Variants in JMJD1C observed in about 807,000 individuals in gnomAD.
JMJD1C encodes the protein jumonji domain containing 1C, also known as jumonji domain-containing protein 1C.
Under a neutral mutation model 245.3 loss-of-function variants are expected in JMJD1C, and 31 were observed. That is an observed-to-expected ratio of 0.13 (90% confidence interval 0.09 to 0.17). The LOEUF is 0.17. Among genes scored for constraint, JMJD1C ranks in the 10% least tolerant of loss-of-function variants. JMJD1C has a pLI of 1.00. For missense variants in JMJD1C, 2,691 were observed against 3,000.2 expected (o/e 0.90, Z 2.41); for synonymous variants, 1,057 against 1,017.4 (o/e 1.04, Z -0.74).
intron 2 of JMJD1C, among the ~76,000 whole-genome samples, chr10:63,298,771 C>T (rs555100698): frequency 5.3e-5 from 8 of 152,038 alleles, no homozygotes; most frequent in Admixed American, 1.3e-4. Context: ...TTGCTCTTGC[C>T]GCCCAGGCTG....
At chr10:63,488,626 T>C (rs1295056568) in intron 1 of JMJD1C, among the ~76,000 whole-genome samples, 1 of 152,038 alleles carries the variant, frequency 6.6e-6, no homozygotes, top group Non-Finnish European at 1.5e-5. Flanking sequence ...ATTATATCCA[T>C]TTAATTAAAA....
intron 1 of JMJD1C, among the ~76,000 whole-genome samples, chr10:63,399,913 G>C (rs1316572265): frequency 1.3e-5 from 2 of 150,822 alleles, no homozygotes; most frequent in South Asian, 4.2e-4. Flanking sequence ...TAATAAATTA[G>C]TTTTGGGTTA....
intron 2 of JMJD1C, among the ~76,000 whole-genome samples, chr10:63,318,910 C>T (rs552716922): frequency 1.2e-4 from 18 of 152,004 alleles, no homozygotes; most frequent in Admixed American, 1.2e-3. Context: ...CTTCTGGTAT[C>T]TGTATTCTTG....
At position 63,202,483 on chromosome 10, in the gene JMJD1C, C is replaced by T. The variant is rs576691187; in HGVS notation, c.5075-1806G>A. On this transcript the variant is annotated intron_variant, in intron 10 of 25. Transcript: ENST00000399262. ...AGGTACAGCTATTCTCCTGAGACTA[C>T]GTACTTCTTGCAGAAACTTACAAAG... 6.2e-5 allele frequency: 61 copies of T among 985,366 alleles called. No individual in the cohort carries two copies. The African/African-American group carries it at 9.6e-4, about 15-fold the overall frequency. 61.0% of individuals were successfully genotyped at this position (985,366 alleles called of 1,614,324 possible). A position where few individuals can be genotyped will look rare whatever the true frequency, so the allele number is the denominator to read the frequency against.
chr10:63,377,068 C>T (rs1441770606), intron 2 of JMJD1C, among the ~76,000 whole-genome samples: 1 of 152,160 alleles, frequency 6.6e-6, no homozygotes, highest in Non-Finnish European at 1.5e-5. Context: ...GGTGTATAAA[C>T]ACAATGGAAT....
chr10:63,168,304 T>A (rs1382650118), intron 25 of JMJD1C, 131 bp downstream of exon 25: 1 of 1,009,278 alleles, frequency 9.9e-7, no homozygotes, highest in Admixed American at 2.3e-5. Context: ...ATTAAATACA[T>A]GTTGGTGTTA....
chr10:63,176,273 T>G, intron 24 of JMJD1C, 24 bp downstream of exon 24: 1 of 1,528,080 alleles, frequency 6.5e-7, no homozygotes, highest in Non-Finnish European at 8.9e-7. Context: ...GTAAAAAATA[T>G]GTTAGAAATA....
At chr10:63,255,815 T>C (rs1853827378) in intron 3 of JMJD1C, among the ~76,000 whole-genome samples, 1 of 152,154 alleles carries the variant, frequency 6.6e-6, no homozygotes, top group Non-Finnish European at 1.5e-5. Flanking sequence ...TTGGGAATGA[T>C]CAAATTCCCA....
At chr10:63,507,234 G>A (rs1041351977) in intron 1 of JMJD1C, among the ~76,000 whole-genome samples, 5 of 152,218 alleles carry the variant, frequency 3.3e-5, no homozygotes, top group Non-Finnish European at 5.9e-5. Flanking sequence ...TTTGCGTGCA[G>A]GTTTTTGCGT....
intron 2 of JMJD1C, among the ~76,000 whole-genome samples, chr10:63,272,962 T>C (rs1370171496): frequency 6.6e-6 from 1 of 152,230 alleles, no homozygotes; most frequent in East Asian, 1.9e-4. Flanking sequence ...TCAAAAGTCA[T>C]ACATTCTTAG....
intron 2 of JMJD1C, 194 bp downstream of exon 2, chr10:63,380,122 TTG>T: frequency 1.7e-4 from 74 of 436,144 alleles, no homozygotes; most frequent in South Asian, 4.0e-4. Flanking sequence ...TTTTTTTTTT[TTG>T]GTAGAGATGG....
chr10:63,256,313 T>C (rs1160466600), intron 3 of JMJD1C, among the ~76,000 whole-genome samples: 4 of 152,176 alleles, frequency 2.6e-5, no homozygotes, highest in Non-Finnish European at 5.9e-5. Flanking sequence ...GCAACAGATA[T>C]GTACTGGGGT....
intron 2 of JMJD1C, among the ~76,000 whole-genome samples, chr10:63,295,407 G>C (rs1859263358): frequency 6.6e-6 from 1 of 151,982 alleles, no homozygotes; most frequent in Non-Finnish European, 1.5e-5. Flanking sequence ...CCTGCATTTA[G>C]AATTCTGAGG....
chr10:63,349,265 T>C (rs1169766669), intron 2 of JMJD1C, among the ~76,000 whole-genome samples: 1 of 152,144 alleles, frequency 6.6e-6, no homozygotes, highest in African/African-American at 2.4e-5. Context: ...AAAAAACTTC[T>C]TTTCTTTATA....
At chr10:63,396,777 T>A (rs1948516988) in intron 1 of JMJD1C, among the ~76,000 whole-genome samples, 1 of 151,878 alleles carries the variant, frequency 6.6e-6, no homozygotes, top group Admixed American at 6.6e-5. Context: ...GTATGTCTTG[T>A]GATATACTTC....
chr10:63,414,206 T>A (rs1165915633), intron 1 of JMJD1C, among the ~76,000 whole-genome samples: 3 of 152,066 alleles, frequency 2.0e-5, no homozygotes, highest in African/African-American at 7.2e-5. Flanking sequence ...CAGGATGGTC[T>A]CGATCTCCTG....
intron 1 of JMJD1C, among the ~76,000 whole-genome samples, chr10:63,395,847 T>C (rs1336735131): frequency 6.6e-6 from 1 of 152,152 alleles, no homozygotes; most frequent in African/African-American, 2.4e-5. Context: ...GACTCAACTC[T>C]ATACACTGTA....
chr10:63,308,225 C>T (rs1472728584), intron 2 of JMJD1C, among the ~76,000 whole-genome samples: 2 of 152,010 alleles, frequency 1.3e-5, no homozygotes, highest in Non-Finnish European at 2.9e-5. Flanking sequence ...CCATTTTCCC[C>T]GACTCTGCAC....
chr10:63,201,649 G>A (rs540398638), intron 10 of JMJD1C, among the ~76,000 whole-genome samples: 1 of 152,268 alleles, frequency 6.6e-6, no homozygotes, highest in African/African-American at 2.4e-5. Context: ...AAGTAAGCTG[G>A]CCGGGCACGG....
Sources: gnomAD v4.1 joint callset for allele counts (sites outside exome capture counted in the v4.1 genomes callset) on GRCh38, gnomAD v4.1.1 for gene constraint, MANE v1.5 for transcripts, NCBI Gene and HGNC (gene_info 2026-07-23, HGNC 2026-07-21) for gene names.